Variants in GRIK2 observed in about 807,000 individuals in gnomAD.
GRIK2 encodes glutamate ionotropic receptor kainate type subunit 2.
A neutral mutation model predicts 100.3 loss-of-function variants in GRIK2; 32 were observed. That is an observed-to-expected ratio of 0.32 (90% CI 0.24 to 0.43). The LOEUF (loss-of-function observed/expected upper bound fraction) is 0.43. Ranked by LOEUF, GRIK2 falls within the 20% of genes least tolerant of loss-of-function variation. The pLI is 1.00. For missense variants in GRIK2, 843 were observed against 1,114.9 expected, an observed-to-expected ratio of 0.76 and a Z score of 3.47; for synonymous variants, 417 against 389.4, an observed-to-expected ratio of 1.07 and a Z score of -0.83.
At chr6:101,426,741 A>G (rs956312396) in intron 2 of GRIK2, among the ~76,000 whole-genome samples, 3 of 152,046 alleles carry the variant, frequency 2.0e-5, no homozygotes, top group African/African-American at 7.2e-5. Context: ...TGATTTTCCT[A>G]AAATATGGTT....
chr6:101,710,504 G>A (rs1226564185), intron 7 of GRIK2, among the ~76,000 whole-genome samples: 1 of 151,884 alleles, frequency 6.6e-6, no homozygotes, highest in Non-Finnish European at 1.5e-5. Context: ...TTTGAATCAA[G>A]AGTGGTGGGA....
chr6:101,707,938 T>C (rs1245141056), intron 7 of GRIK2, among the ~76,000 whole-genome samples: 1 of 151,726 alleles, frequency 6.6e-6, no homozygotes, highest in Non-Finnish European at 1.5e-5. Flanking sequence ...TTGGTACTGC[T>C]GATACAAAGG....
rs993680343 is a variant in GRIK2 at position 101,886,999 on chromosome 6, T to TG, written c.1525-2641_1525-2640insG. Among the ~76,000 whole-genome samples, 45 of 151,282 alleles carry TG rather than the reference T, an allele frequency of 3.0e-4. 2 individuals carry two copies. The highest frequency in any genetic ancestry group is 2.6e-3 in the Admixed American group (39 of 15,144). On this transcript the variant is annotated intron_variant, in intron 11 of 16. Transcript: ENST00000369134. ...TGCCACCACACCTGGGTATTTTTTT[T>TG]TTTGTATTTTAGTAGAGATGGAGTT...
chr6:101,460,049 G>T (rs1345951266), intron 2 of GRIK2, among the ~76,000 whole-genome samples: 1 of 152,146 alleles, frequency 6.6e-6, no homozygotes, highest in African/African-American at 2.4e-5. Flanking sequence ...GAGCCACCGT[G>T]CCCGGCCGCA....
At chr6:101,968,583 AT>A (rs1322485025) in intron 14 of GRIK2, among the ~76,000 whole-genome samples, 1 of 151,986 alleles carries the variant, frequency 6.6e-6, no homozygotes, top group Non-Finnish European at 1.5e-5. Flanking sequence ...TCATTTTAAT[AT>A]TTCTAGATCC....
At chr6:101,918,699 G>A (rs1168068402) in intron 12 of GRIK2, among the ~76,000 whole-genome samples, 2 of 151,590 alleles carry the variant, frequency 1.3e-5, no homozygotes, top group East Asian at 3.9e-4. Context: ...GTATTTGGCT[G>A]GAATTCAAAC....
intron 9 of GRIK2, among the ~76,000 whole-genome samples, chr6:101,812,617 A>G (rs1026404025): frequency 1.7e-4 from 26 of 152,130 alleles, no homozygotes; most frequent in African/African-American, 5.3e-4. Context: ...TAAAAAGATG[A>G]GTATGCCAAA....
Position 101,612,741 on chromosome 6 carries a change from T to TG in GRIK2, c.116-9207dup, listed in dbSNP as rs1172170054. Among the ~76,000 whole-genome samples, 108 of 151,470 alleles carry TG rather than the reference T, an allele frequency of 7.1e-4. 1 individual carries two copies. Among genetic ancestry groups the TG allele is most frequent in the African/African-American group, 2.5e-3 (105 of 41,294 alleles). On this transcript the variant is annotated intron_variant, in intron 2 of 16. Coordinates refer to ENST00000369134, the MANE Select transcript of GRIK2 (RefSeq NM_021956.5). ...ATGTGTGTGTGTGTGTGTGTGTGTG[T>TG]GTGTGTGTGTGTAGGTACATAGGTC...
chr6:101,613,846 T>C (rs889414130), intron 2 of GRIK2, among the ~76,000 whole-genome samples: 1 of 151,454 alleles, frequency 6.6e-6, no homozygotes, highest in African/African-American at 2.4e-5. Context: ...TTAGGCTAGA[T>C]GAAAGAAACG....
chr6:102,035,193 G>GTATATATATATATATATA (rs139440547), intron 14 of GRIK2, 148 bp from the exon 15 acceptor site: 1 of 211,400 alleles, frequency 4.7e-6, no homozygotes, highest in African/African-American at 2.5e-5. Flanking sequence ...GACTTTTTTG[G>GTATATATATATATATATA]TATATATATA....
chr6:101,604,211 T>A (rs1779349217), intron 2 of GRIK2, among the ~76,000 whole-genome samples: 1 of 151,654 alleles, frequency 6.6e-6, no homozygotes, highest in Non-Finnish European at 1.5e-5. Context: ...CATTAAAACA[T>A]TAATACCATT....
Position 102,037,698 on chromosome 6 carries a change from C to A in GRIK2, c.2311+2132C>A, listed in dbSNP as rs191943840. On this transcript the variant is annotated intron_variant, in intron 15 of 16. Coordinates refer to ENST00000369134, the MANE Select transcript of GRIK2 (RefSeq NM_021956.5). ...TGCTGAGAAACATTTTTTTACTTCTCAAAATGTGTTAAATTATACCTTTAT... is the reference window on the plus strand; with the variant it reads ...TGCTGAGAAACATTTTTTTACTTCTAAAAATGTGTTAAATTATACCTTTAT... 5.6e-3 allele frequency among the ~76,000 whole-genome samples: 853 copies of A among 151,314 alleles called. 8 individuals carry two copies. Among genetic ancestry groups the A allele is most frequent in the African/African-American group, 0.02 (816 of 41,418 alleles).
intron 2 of GRIK2, among the ~76,000 whole-genome samples, chr6:101,404,381 C>A (rs1775491628): frequency 6.6e-6 from 1 of 152,202 alleles, no homozygotes; most frequent in Admixed American, 6.5e-5. Context: ...ATGACATAAT[C>A]TTTCATGCCA....
intron 10 of GRIK2, among the ~76,000 whole-genome samples, chr6:101,832,581 A>G (rs1324205534): frequency 6.6e-6 from 1 of 152,196 alleles, no homozygotes; most frequent in African/African-American, 2.4e-5. Flanking sequence ...GCCAGCTGTC[A>G]AGCTGAAGAC....
chr6:101,484,870 G>C (rs1327594203), intron 2 of GRIK2, among the ~76,000 whole-genome samples: 2 of 152,046 alleles, frequency 1.3e-5, no homozygotes, highest in Non-Finnish European at 2.9e-5. Context: ...AGTTCAAAAT[G>C]CTTCTATTAT....
At chr6:101,890,823 G>A (rs1787004840) in intron 12 of GRIK2, among the ~76,000 whole-genome samples, 1 of 151,656 alleles carries the variant, frequency 6.6e-6, no homozygotes, top group Non-Finnish European at 1.5e-5. Flanking sequence ...CCTCAGGACT[G>A]ATGACTCTAT....
Position 101,682,591 on chromosome 6 carries a change from T to C in GRIK2, c.762T>C (p.Tyr254=), listed in dbSNP as rs538300292. The C allele has an allele frequency of 1.5e-5, 20 of 1,309,794 alleles. No individual in the cohort carries two copies. In the South Asian group the frequency reaches 2.5e-4, roughly 16 times the overall value. The allele number at this position is 1,309,794 out of a possible 1,614,324, so 81.1% of individuals were successfully genotyped here. A position where few individuals can be genotyped will look rare whatever the true frequency, so the allele number is the denominator to read the frequency against. ...AMGMMTEYYH[Y]IFTTLDLFAL... ...GAATGATGACAGAATACTATCATTA[T>C]ATCTTTACCACTCTGGTAAGTACTT... Residue 254 remains tyrosine (Y), a synonymous_variant, in exon 6 of 17, where the codon TAT becomes TAC. Coordinates refer to ENST00000369134, the MANE Select transcript of GRIK2 (RefSeq NM_021956.5).
chr6:101,925,065 T>A (rs191611598), intron 13 of GRIK2, among the ~76,000 whole-genome samples: 17 of 152,222 alleles, frequency 1.1e-4, no homozygotes, highest in Admixed American at 9.2e-4. Context: ...AAGAATACAG[T>A]GTTATGCTCC....
intron 7 of GRIK2, among the ~76,000 whole-genome samples, chr6:101,756,878 T>C (rs1011398097): frequency 2.0e-5 from 3 of 152,176 alleles, no homozygotes; most frequent in Non-Finnish European, 4.4e-5. Flanking sequence ...AAATTTGGCA[T>C]TTTTTGCTAT....
Sources: allele counts gnomAD v4.1 joint callset (sites outside exome capture counted in the v4.1 genomes callset), GRCh38; gene constraint gnomAD v4.1.1; transcripts MANE v1.5; gene names NCBI Gene and HGNC (gene_info 2026-07-23, HGNC 2026-07-21).